FCER1A: variants seen among roughly 807,000 people sequenced by gnomAD.
FCER1A encodes high affinity immunoglobulin epsilon receptor subunit alpha.
In FCER1A, 24 loss-of-function variants were observed where a neutral mutation model predicts 23.6. The ratio of observed to expected loss-of-function variants is 1.02; its 90% CI spans 0.74 to 1.43. The LOEUF is 1.43. Ranked by LOEUF, FCER1A falls within the 40% of genes most tolerant of loss-of-function variation. FCER1A has a pLI of 0.00. For synonymous variants in FCER1A, 121 were observed against 108.8 expected (o/e 1.11, Z -0.70); for missense variants, 318 against 294.5 (o/e 1.08, Z -0.58).
intron 1 of FCER1A, among the ~76,000 whole-genome samples, chr1:159,294,713 T>C (rs1234809606): frequency 6.6e-6 from 1 of 152,188 alleles, no homozygotes; most frequent in East Asian, 1.9e-4. Context: ...AAATATATGA[T>C]GAAGAATGTT....
At chr1:159,301,313 T>G (rs1652423845), upstream of FCER1A, among the ~76,000 whole-genome samples, 1 of 152,182 alleles carries the variant, frequency 6.6e-6, no homozygotes, top group African/African-American at 2.4e-5. Context: ...TTTCCAGTAT[T>G]ATCATTAATA....
upstream of FCER1A, among the ~76,000 whole-genome samples, chr1:159,286,397 G>GGA (rs1557964754): frequency 8.6e-5 from 13 of 151,422 alleles, no homozygotes; most frequent in Non-Finnish European, 1.2e-4. Flanking sequence ...CAGTGGCGCA[G>GGA]TCTCGGCTCA....
intron 1 of FCER1A, among the ~76,000 whole-genome samples, chr1:159,297,080 G>A (rs1355289532): frequency 4.6e-5 from 7 of 152,102 alleles, no homozygotes; most frequent in East Asian, 1.9e-4. Flanking sequence ...TTCTCTTTCC[G>A]TTTTGAAACT....
upstream of FCER1A, among the ~76,000 whole-genome samples, chr1:159,302,143 T>C (rs1652447489): frequency 6.6e-6 from 1 of 152,168 alleles, no homozygotes; most frequent in Non-Finnish European, 1.5e-5. Context: ...CAGGTGTATA[T>C]GTGGAGGTGG....
chr1:159,300,629 A>G (rs1033427654), upstream of FCER1A, among the ~76,000 whole-genome samples: 2 of 152,196 alleles, frequency 1.3e-5, no homozygotes, highest in Admixed American at 1.3e-4. Flanking sequence ...TTGTTTATCA[A>G]ATTAAACATA....
upstream of FCER1A, among the ~76,000 whole-genome samples, chr1:159,299,382 GGCTGAGC>G (rs1652372478): frequency 6.6e-6 from 1 of 152,148 alleles, no homozygotes; most frequent in African/African-American, 2.4e-5. Flanking sequence ...ACACTGTATA[GGCTGAGC>G]CTTGATCCTC....
rs1652235830 is a variant in FCER1A at position 159,294,145 on chromosome 1, G to A, written c.-60+4392G>A. Among the ~76,000 whole-genome samples the A allele has an allele frequency of 6.6e-5, 10 of 152,312 alleles. No homozygotes were observed. In the South Asian group the frequency reaches 2.1e-3, roughly 32 times the overall value. On this transcript the variant is annotated intron_variant, in intron 1 of 5. Transcript: ENST00000368115. Reference sequence around the variant, plus strand: ...AGGATGGTAAACTAGTTCAACCCTTGTGGAAGTCAGTGTGGCCATTCCTCA... The same window carrying A: ...AGGATGGTAAACTAGTTCAACCCTTATGGAAGTCAGTGTGGCCATTCCTCA...
Position 159,305,969 on chromosome 1 carries a change from T to C in FCER1A, c.332-19T>C, listed in dbSNP as rs1414488832. The stretch of plus-strand genomic sequence containing the variant: ...TCTTCATTTATTGTTAAATAAATAA[T>C]GTAATGAATGTTCTTCAGACTGGCT... On this transcript the variant is annotated intron_variant, in intron 3 of 4. Coordinates refer to ENST00000693622, the MANE Select transcript of FCER1A (RefSeq NM_001387280.1). 5 of 1,608,254 alleles carry C rather than the reference T, an allele frequency of 3.1e-6. No individual in the cohort carries two copies. The highest frequency in any genetic ancestry group is 2.7e-5 in the African/African-American group (2 of 74,732).
upstream of FCER1A, among the ~76,000 whole-genome samples, chr1:159,284,772 CTTTT>C (rs1413430765): frequency 6.6e-6 from 1 of 152,028 alleles, no homozygotes; most frequent in African/African-American, 2.4e-5. Flanking sequence ...AGCCTTTCTT[CTTTT>C]TAATAATATG....
chr1:159,285,387 T>C (rs191122322), upstream of FCER1A, among the ~76,000 whole-genome samples: 141 of 152,308 alleles, frequency 9.3e-4, no homozygotes, highest in Admixed American at 5.9e-3. Flanking sequence ...ATTTGTTATA[T>C]CTTCTGTACT....
chr1:159,302,458 A>G, intron 1 of FCER1A, 39 bp downstream of exon 1: 2 of 1,445,242 alleles, frequency 1.4e-6, no homozygotes, highest in South Asian at 1.1e-5. Flanking sequence ...GGGAGGCCCA[A>G]ATGAATTTGG....
chr1:159,302,820 T>C (rs758933299), intron 1 of FCER1A, 34 bp from the exon 2 acceptor site: 2 of 1,606,116 alleles, frequency 1.2e-6, no homozygotes, highest in South Asian at 1.1e-5. Flanking sequence ...AGAAGACTGC[T>C]GGACACTAAT....
At chr1:159,289,713 CAG>C (rs1349996659) in exon 1 of FCER1A, 3 of 152,036 alleles carry the variant, frequency 2.0e-5, no homozygotes, top group African/African-American at 4.8e-5. Flanking sequence ...AAATTCTTTT[CAG>C]TCTCCAGCAT....
At chr1:159,305,108 T>C (rs1329694238) in intron 3 of FCER1A, among the ~76,000 whole-genome samples, 2 of 151,540 alleles carry the variant, frequency 1.3e-5, no homozygotes, top group African/African-American at 4.8e-5. Flanking sequence ...ATACTCTATA[T>C]TTTTCTCTTG....
In FCER1A at chr1:159,306,141, C is replaced by G; in HGVS notation, c.485C>G (p.Ser162Cys). The G allele has an allele frequency of 6.2e-7, 1 of 1,614,116 alleles. No individual in the cohort carries two copies. The highest frequency in any genetic ancestry group is 8.5e-7 in the Non-Finnish European group (1 of 1,180,004). ...LKYWYENHNI[S>C]ITNATVEDSG... ...TACTGGTATGAGAACCACAACATCTCCATTACAAATGCCACAGTTGAAGAC... is the reference window on the plus strand; with the variant it reads ...TACTGGTATGAGAACCACAACATCTGCATTACAAATGCCACAGTTGAAGAC... The change falls in exon 4 of 5, where the codon TCC becomes TGC. Residue 162 changes from serine (S) to cysteine (C), a missense_variant. Transcript: ENST00000693622.
At chr1:159,287,650 A>G (rs56389770), upstream of FCER1A, among the ~76,000 whole-genome samples, 8,929 of 149,170 alleles carry the variant, frequency 0.06, 863 homozygotes, top group African/African-American at 0.21. Flanking sequence ...AAACATATTT[A>G]TATATGTCTA....
chr1:159,293,168 C>CTGTGTGTG lies in FCER1A; in HGVS notation c.-60+3441_-60+3448dup, dbSNP rs10632832. Among the ~76,000 whole-genome samples the CTGTGTGTG allele has an allele frequency of 6.1e-3, 889 of 145,890 alleles. 10 individuals are homozygous for CTGTGTGTG. Among genetic ancestry groups the CTGTGTGTG allele is most frequent in the African/African-American group, 0.021 (826 of 39,480 alleles). On this transcript the variant is annotated intron_variant, in intron 1 of 5. Transcript: ENST00000368115. ...GCAGGGGAATATATATACATACACA[C>CTGTGTGTG]TGTGTGTGTGTGTGTGTGTGTGTGT...
chr1:159,301,867 C>A (rs563134356), upstream of FCER1A, among the ~76,000 whole-genome samples: 1 of 152,162 alleles, frequency 6.6e-6, no homozygotes, highest in African/African-American at 2.4e-5. Context: ...CTTAACCTCA[C>A]TAAGATTCAG....
intron 1 of FCER1A, among the ~76,000 whole-genome samples, chr1:159,296,582 G>T (rs1208999098): frequency 1.3e-5 from 2 of 152,172 alleles, no homozygotes; most frequent in Non-Finnish European, 2.9e-5. Context: ...AAATGCAAAA[G>T]ATGCTTTTGT....
Sources: gnomAD v4.1 joint callset for allele counts (sites outside exome capture counted in the v4.1 genomes callset) on GRCh38, gnomAD v4.1.1 for gene constraint, MANE v1.5 for transcripts, NCBI Gene and HGNC (gene_info 2026-07-23, HGNC 2026-07-21) for gene names.